Variants in CLCA4 observed in about 807,000 individuals in gnomAD.
CLCA4 encodes the protein calcium-activated chloride channel regulator 4.
In CLCA4, 69 loss-of-function variants were observed where a neutral mutation model predicts 78.9. The observed-to-expected ratio is 0.87, with a 90% CI of 0.72 to 1.07. CLCA4 has a LOEUF of 1.07. CLCA4 is among the 50% of genes least tolerant of loss of function. The pLI is 0.00. For missense variants in CLCA4, 1,133 were observed against 1,095.8 expected (o/e 1.03, Z -0.48); for synonymous variants, 362 against 375.8 (o/e 0.96, Z 0.42).
chr1:86,572,612 A>T lies in CLCA4; in HGVS notation c.1361-2A>T. ...AGTCTAATTAATGCATTTACATTTT[A>T]GGAGGAAGTCATTTTTATGTTTCAG... On this transcript the variant is annotated splice_acceptor_variant, in intron 8 of 13. Transcript: ENST00000370563. LOFTEE classifies it high-confidence loss of function. 1 of 1,562,126 alleles carries T rather than the reference A, an allele frequency of 6.4e-7. No individual in the cohort carries two copies. The highest frequency in any genetic ancestry group is 8.8e-7 in the Non-Finnish European group (1 of 1,133,942).
At position 86,577,972 on chromosome 1, in the gene CLCA4, T is replaced by C. The variant is rs778099260; in HGVS notation, c.2022T>C (p.Tyr674=). 2.1e-5 allele frequency: 34 copies of C among 1,612,756 alleles called. No individual in the cohort carries two copies. The African/African-American group carries it at 3.7e-4, about 18-fold the overall frequency. ...YFTAYTENGR[Y]SLKVRAHGGA... ...CAGCATATACAGAAAATGGCAGATATAGCTTAAAAGTTCGGGCTCATGGAG... is the reference window on the plus strand; with the variant it reads ...CAGCATATACAGAAAATGGCAGATACAGCTTAAAAGTTCGGGCTCATGGAG... The change falls in exon 12 of 14, where the codon TAT becomes TAC. Residue 674 remains tyrosine, a synonymous_variant. Transcript: ENST00000370563.
rs750966363 is a variant in CLCA4 at position 86,560,088 on chromosome 1, T to G, written c.300+16T>G. The G allele has an allele frequency of 3.2e-6, 5 of 1,568,590 alleles. No homozygotes were observed. The highest frequency in any genetic ancestry group is 2.3e-5 in the East Asian group (1 of 44,284). On this transcript the variant is annotated intron_variant, in intron 2 of 13. Coordinates refer to ENST00000370563, the MANE Select transcript of CLCA4 (RefSeq NM_012128.4). ...CCATAAACATGTAAGTGTCGAAATA[T>G]TCTCTTAAAAAATTATATTTTCTGA... is the stretch of plus-strand genomic sequence containing the variant.
At chr1:86,560,432 G>C in intron 3 of CLCA4, 74 bp downstream of exon 3, 1 of 1,464,228 alleles carries the variant, frequency 6.8e-7, no homozygotes, top group East Asian at 2.4e-5. Context: ...AAGTGTGCAG[G>C]CCATGGGGCC....
intron 9 of CLCA4, among the ~76,000 whole-genome samples, chr1:86,573,930 C>T (rs887760676): frequency 6.6e-6 from 1 of 152,046 alleles, no homozygotes; most frequent in Non-Finnish European, 1.5e-5. Context: ...GGATTTTATG[C>T]ATTCTCACCA....
chr1:86,566,815 C>T (rs887590440), intron 6 of CLCA4, among the ~76,000 whole-genome samples: 13 of 151,972 alleles, frequency 8.6e-5, no homozygotes, highest in African/African-American at 2.7e-4. Flanking sequence ...CAATCCCCTC[C>T]GAAAGAGGGC....
At chr1:86,560,533 CA>C (rs1160184923) in intron 3 of CLCA4, among the ~76,000 whole-genome samples, 175 bp downstream of exon 3, 1 of 152,110 alleles carries the variant, frequency 6.6e-6, no homozygotes, top group African/African-American at 2.4e-5. Flanking sequence ...TTATTCCCTA[CA>C]AAATGGCAAA....
chr1:86,549,261 T>C (rs1215338053), intron 1 of CLCA4, among the ~76,000 whole-genome samples: 3 of 152,062 alleles, frequency 2.0e-5, no homozygotes, highest in African/African-American at 4.8e-5. Flanking sequence ...GAAGAGCCCA[T>C]TGAAAACTAG....
rs772308921 is a variant in CLCA4, at chr1:86,579,932, T to A, written c.2357-10T>A. The A allele has an allele frequency of 6.5e-7, 1 of 1,531,836 alleles. No homozygotes were observed. The highest frequency in any genetic ancestry group is 1.2e-5 in the South Asian group (1 of 81,324). The allele number at this position is 1,531,836 out of a possible 1,614,324, so 94.9% of individuals were successfully genotyped here. Reference sequence around the variant, plus strand: ...CAGTCTCTAAACTACATGTAACTTTTTTTTCTCAGTTCAACGTTATATCAT... The same window carrying A: ...CAGTCTCTAAACTACATGTAACTTTATTTTCTCAGTTCAACGTTATATCAT... On this transcript the variant is annotated splice_polypyrimidine_tract_variant and intron_variant, in intron 13 of 13. Transcript: ENST00000370563.
At chr1:86,564,733 C>G (rs1056977697) in intron 4 of CLCA4, among the ~76,000 whole-genome samples, 22 of 152,126 alleles carry the variant, frequency 1.4e-4, no homozygotes, top group African/African-American at 5.3e-4. Context: ...TCTAAAATGT[C>G]TCCATCATTT....
intron 4 of CLCA4, 44 bp downstream of exon 4, chr1:86,563,813 C>A (rs1650095564): frequency 9.5e-7 from 1 of 1,057,864 alleles, no homozygotes; most frequent in South Asian, 1.4e-5. Flanking sequence ...GGCTTTTATC[C>A]ATTCTTATTT....
chr1:86,572,809 T>G (rs553570791), intron 9 of CLCA4, 89 bp downstream of exon 9: 1 of 781,654 alleles, frequency 1.3e-6, no homozygotes, highest in East Asian at 2.6e-5. Flanking sequence ...TTCCATATTT[T>G]TCTCAAAGTA....
At chr1:86,566,584 G>C (rs992150864) in intron 6 of CLCA4, among the ~76,000 whole-genome samples, 6 of 151,962 alleles carry the variant, frequency 3.9e-5, no homozygotes, top group African/African-American at 1.4e-4. Flanking sequence ...AAATGAGGGA[G>C]GTATTAAAAA....
intron 3 of CLCA4, among the ~76,000 whole-genome samples, chr1:86,560,618 G>C (rs1024804345): frequency 2.6e-5 from 4 of 152,140 alleles, no homozygotes; most frequent in Admixed American, 6.5e-5. Flanking sequence ...ACTCAGTACA[G>C]TGTCTACAAA....
At chr1:86,569,632 A>C (rs1650291213) in intron 7 of CLCA4, among the ~76,000 whole-genome samples, 1 of 152,056 alleles carries the variant, frequency 6.6e-6, no homozygotes, top group Admixed American at 6.6e-5. Context: ...TATACAATGT[A>C]TAAAACACAG....
chr1:86,570,586 T>C (rs1650320781), intron 7 of CLCA4, among the ~76,000 whole-genome samples: 1 of 152,100 alleles, frequency 6.6e-6, no homozygotes, highest in African/African-American at 2.4e-5. Context: ...ATATTTTTTC[T>C]TTATAAGCAT....
Position 86,547,331 on chromosome 1 carries a change from TTTAA to T in CLCA4, c.159+56_159+59del, listed in dbSNP as rs917947553. On this transcript the variant is annotated intron_variant, in intron 1 of 13. Transcript: ENST00000370563. ...TAATTTTTAGTTTTTTACTATTATTTTTAATTGACATATAATTGTACATATTTAT... is the reference window on the plus strand; with the variant it reads ...TAATTTTTAGTTTTTTACTATTATTTTTGACATATAATTGTACATATTTAT... 35 of 1,338,030 alleles carry T rather than the reference TTTAA, an allele frequency of 2.6e-5. No homozygotes were observed. The Admixed American group carries it at 4.5e-4, about 17-fold the overall frequency. The allele number at this position is 1,338,030 out of a possible 1,614,324, so 82.9% of individuals were successfully genotyped here.
rs560504166 is a variant in CLCA4 at position 86,551,362 on chromosome 1, T to C, written c.159+4084T>C. On this transcript the variant is annotated intron_variant, in intron 1 of 13. Transcript: ENST00000370563. ...TTTAATAAAGTGAGGTTTACATCAC[T>C]GATATTTAAGAATGGCTGTATCCAC... Among the ~76,000 whole-genome samples, 5 of 152,348 alleles carry C rather than the reference T, an allele frequency of 3.3e-5. No individual in the cohort carries two copies. The South Asian group carries it at 1.0e-3, about 32-fold the overall frequency.
intron 7 of CLCA4, among the ~76,000 whole-genome samples, chr1:86,568,292 T>G (rs1650257804): frequency 6.6e-6 from 1 of 151,042 alleles, no homozygotes; most frequent in Non-Finnish European, 1.5e-5. Flanking sequence ...GAGGATTACA[T>G]GAAATGATAC....
chr1:86,577,587 A>G (rs1034801338), intron 11 of CLCA4, among the ~76,000 whole-genome samples: 28 of 148,498 alleles, frequency 1.9e-4, no homozygotes, highest in Admixed American at 1.7e-3. Flanking sequence ...AGAAATTGTA[A>G]GAGTACTATA....
Sources: allele counts gnomAD v4.1 joint callset (sites outside exome capture counted in the v4.1 genomes callset), GRCh38; gene constraint gnomAD v4.1.1; transcripts MANE v1.5; gene names NCBI Gene and HGNC (gene_info 2026-07-23, HGNC 2026-07-21).